The following LRBA variants were observed in gnomAD, a reference collection of about 807,000 sequenced individuals.
LRBA encodes lipopolysaccharide-responsive and beige-like anchor protein.
A neutral mutation model predicts 330.0 loss-of-function variants in LRBA; 176 were observed. The ratio of observed to expected loss-of-function variants is 0.53; its 90% CI spans 0.47 to 0.60. LRBA has a LOEUF of 0.60. Ranked by LOEUF, LRBA falls within the 20% of genes least tolerant of loss-of-function variation. The pLI, the probability that LRBA is intolerant of heterozygous loss-of-function variation, is 0.00. For missense variants in LRBA, 3,259 were observed against 3,444.8 expected, an observed-to-expected ratio of 0.95 and a Z score of 1.35; for synonymous variants, 1,230 against 1,193.0, an observed-to-expected ratio of 1.03 and a Z score of -0.64.
At chr4:150,497,647 C>T (rs573476305) in intron 40 of LRBA, among the ~76,000 whole-genome samples, 207 of 152,140 alleles carry the variant, frequency 1.4e-3, no homozygotes, top group Non-Finnish European at 2.2e-3. Context: ...CTCTAATGTT[C>T]TACTTGGCAG....
intron 35 of LRBA, among the ~76,000 whole-genome samples, chr4:150,736,646 A>C (rs1731216754): frequency 6.6e-6 from 1 of 152,180 alleles, no homozygotes; most frequent in Non-Finnish European, 1.5e-5. Context: ...GTAGTATAAG[A>C]AAGAGTAGAT....
chr4:150,806,929 T>C (rs1174775920), intron 32 of LRBA, among the ~76,000 whole-genome samples: 5 of 151,958 alleles, frequency 3.3e-5, no homozygotes, highest in Admixed American at 2.0e-4. Flanking sequence ...CTCCTGAAAA[T>C]AATATACTTT....
At chr4:150,618,851 T>C (rs1776027107) in intron 37 of LRBA, among the ~76,000 whole-genome samples, 2 of 6,022 alleles carry the variant, frequency 3.3e-4, no homozygotes, top group African/African-American at 3.7e-4. Flanking sequence ...TGTGTATGTA[T>C]ATATATATAT....
At chr4:150,914,379 A>G in intron 8 of LRBA, 38 bp from the exon 9 acceptor site, 2 of 1,422,802 alleles carry the variant, frequency 1.4e-6, no homozygotes, top group South Asian at 1.6e-5. Flanking sequence ...GGAAAAAACA[A>G]AAAAAAACTC....
chr4:150,295,318 T>C (rs913643559), intron 53 of LRBA, among the ~76,000 whole-genome samples: 1 of 150,364 alleles, frequency 6.7e-6, no homozygotes, highest in Admixed American at 6.7e-5. Flanking sequence ...TCCTCCCACT[T>C]CAGCCTCCTG....
At chr4:150,660,500 C>A (rs1472476102) in intron 37 of LRBA, among the ~76,000 whole-genome samples, 2 of 151,646 alleles carry the variant, frequency 1.3e-5, no homozygotes, top group Non-Finnish European at 3.0e-5. Flanking sequence ...GCCCCCCCCG[C>A]CCGGCCAGCC....
intron 34 of LRBA, among the ~76,000 whole-genome samples, chr4:150,796,845 T>A (rs948956282): frequency 6.6e-6 from 1 of 151,966 alleles, no homozygotes; most frequent in Non-Finnish European, 1.5e-5. Flanking sequence ...CAATTTCATG[T>A]AGACATAAGA....
At position 150,908,773 on chromosome 4, in the gene LRBA, C is replaced by T. The variant is rs748561316; in HGVS notation, c.1246G>A (p.Ala416Thr). The T allele has an allele frequency of 1.1e-5, 17 of 1,613,648 alleles. No individual in the cohort carries two copies. The African/African-American group carries it at 2.3e-4, about 22-fold the overall frequency. The change falls in exon 10 of 57, where the codon GCC becomes ACC. Residue 416 changes from alanine to threonine, a missense_variant. Ala to Thr is a moderately conservative substitution (Grantham distance 58, BLOSUM62 0). Transcript: ENST00000651943. ...LLLYDGKLSSAIAFTYNPRAT... is the reference protein window; with the variant it reads ...LLLYDGKLSSTIAFTYNPRAT... Reference sequence around the variant, plus strand: ...CGTGGATTGTACGTGAATGCAATGGCACTAGAGAGTTTCCCATCGTACAAT... The same window carrying T: ...CGTGGATTGTACGTGAATGCAATGGTACTAGAGAGTTTCCCATCGTACAAT...
chr4:150,468,387 T>G (rs1755699003), intron 43 of LRBA, among the ~76,000 whole-genome samples: 1 of 152,074 alleles, frequency 6.6e-6, no homozygotes, highest in African/African-American at 2.4e-5. Flanking sequence ...CTTCCTTACA[T>G]GCCCAAATGT....
intron 2 of LRBA, among the ~76,000 whole-genome samples, chr4:150,966,668 C>T (rs1738940437): frequency 6.6e-6 from 1 of 152,070 alleles, no homozygotes; most frequent in Non-Finnish European, 1.5e-5. Flanking sequence ...AAAGGCAAAT[C>T]AGGATGCTTT....
At chr4:150,269,195 A>C (rs1745753881) in intron 56 of LRBA, among the ~76,000 whole-genome samples, 1 of 152,224 alleles carries the variant, frequency 6.6e-6, no homozygotes, top group Non-Finnish European at 1.5e-5. Flanking sequence ...CAGCCAAAAC[A>C]ATCTTGAAAA....
intron 37 of LRBA, among the ~76,000 whole-genome samples, chr4:150,677,827 AG>A (rs765104313): frequency 0.094 from 3,932 of 41,836 alleles, 161 homozygotes; most frequent in African/African-American, 0.18. Context: ...AAAAAGAAAA[AG>A]AAAAAAGAAA....
intron 28 of LRBA, among the ~76,000 whole-genome samples, chr4:150,834,236 G>A (rs902022597): frequency 2.0e-5 from 3 of 152,076 alleles, no homozygotes; most frequent in African/African-American, 7.2e-5. Flanking sequence ...GGTACTTCAT[G>A]GTATCTACAA....
intron 36 of LRBA, among the ~76,000 whole-genome samples, chr4:150,730,315 C>T (rs1730264708): frequency 6.6e-6 from 1 of 152,016 alleles, no homozygotes; most frequent in African/African-American, 2.4e-5. Flanking sequence ...AGTAATAATC[C>T]AATTTAAAAA....
intron 37 of LRBA, among the ~76,000 whole-genome samples, chr4:150,665,272 C>A (rs1781465746): frequency 6.6e-6 from 1 of 152,132 alleles, no homozygotes. Flanking sequence ...TGCTGTAATT[C>A]TAGACTCCCA....
intron 28 of LRBA, among the ~76,000 whole-genome samples, chr4:150,836,598 A>G (rs1384150448): frequency 6.6e-6 from 1 of 152,140 alleles, no homozygotes. Context: ...TGTTTATAGT[A>G]TTCTCTGATG....
chr4:150,794,352 T>C (rs1740428323), intron 34 of LRBA, among the ~76,000 whole-genome samples: 1 of 151,792 alleles, frequency 6.6e-6, no homozygotes, highest in Non-Finnish European at 1.5e-5. Context: ...TATTCATCTA[T>C]AAAATCATAA....
chr4:150,990,794 C>T (rs565056377), intron 2 of LRBA, among the ~76,000 whole-genome samples: 3 of 149,618 alleles, frequency 2.0e-5, no homozygotes, highest in South Asian at 2.1e-4. Flanking sequence ...CCGAGGTGGG[C>T]GGATCACTTG....
chr4:150,588,813 TG>T (rs958219995), intron 39 of LRBA, among the ~76,000 whole-genome samples: 2 of 152,104 alleles, frequency 1.3e-5, no homozygotes, highest in South Asian at 4.2e-4. Flanking sequence ...CTAATATTAG[TG>T]TAGTTCAGGG....
Sources: allele counts gnomAD v4.1 joint callset (sites outside exome capture counted in the v4.1 genomes callset), GRCh38; gene constraint gnomAD v4.1.1; transcripts MANE v1.5; gene names NCBI Gene and HGNC (gene_info 2026-07-23, HGNC 2026-07-21).